Variants in DHX57 observed in about 807,000 individuals in gnomAD.
The protein encoded by DHX57 is DExH-box helicase 57, also known as putative ATP-dependent RNA helicase DHX57.
DHX57 carries 105 observed loss-of-function variants against 156.2 expected under a neutral mutation model. The ratio of observed to expected loss-of-function variants is 0.67; its 90% CI spans 0.57 to 0.79. DHX57 has a LOEUF of 0.79. Ranked by LOEUF, DHX57 falls within the 30% of genes least tolerant of loss-of-function variation. The probability of loss-of-function intolerance (pLI) is 0.00; values close to 1 mark genes in which losing one functional copy is unlikely to be tolerated. For synonymous variants in DHX57, 704 were observed against 595.6 expected (o/e 1.18, Z -2.65); for missense variants, 1,847 against 1,661.9 (o/e 1.11, Z -1.94).
chr2:38,823,014 A>G lies in DHX57; in HGVS notation c.3270T>C (p.Ser1090=). 2 of 1,614,106 alleles carry G rather than the reference A, an allele frequency of 1.2e-6. No homozygotes were observed. Among genetic ancestry groups the G allele is most frequent in the Non-Finnish European group, 1.7e-6 (2 of 1,179,992 alleles). The change falls in exon 17 of 24, where the codon AGT becomes AGC. Residue 1090 remains serine (S), a synonymous_variant. Coordinates refer to ENST00000457308, the MANE Select transcript of DHX57 (RefSeq NM_198963.3). ...CLDPALTIAA[S]LAFKSPFVSP... ...TTACAAACGGAGACTTAAAAGCCAA[A>G]CTGGCAGCAATGGTGAGAGCAGGAT...
intron 17 of DHX57, among the ~76,000 whole-genome samples, chr2:38,822,325 C>A (rs927411111): frequency 1.1e-4 from 16 of 152,192 alleles, no homozygotes; most frequent in African/African-American, 3.9e-4. Context: ...AGGTGATCCA[C>A]CTGCCTCGGC....
At chr2:38,847,174 ACGTCC>A in intron 10 of DHX57, 101 bp from the exon 11 acceptor site, 1 of 932,542 alleles carries the variant, frequency 1.1e-6, no homozygotes, top group South Asian at 1.7e-5. Context: ...TGTCATGCTA[ACGTCC>A]TATTTGTTCT....
At chr2:38,838,825 T>G (rs1345289199) in intron 12 of DHX57, 7 of 454,790 alleles carry the variant, frequency 1.5e-5, no homozygotes, top group Non-Finnish European at 3.1e-5. Flanking sequence ...CGGAGTCTAC[T>G]CATAGACCCT....
At chr2:38,828,499 T>A (rs1306796066) in intron 13 of DHX57, 63 bp from the exon 14 acceptor site, 48 of 1,251,030 alleles carry the variant, frequency 3.8e-5, no homozygotes, top group African/African-American at 1.2e-4. Flanking sequence ...ACAAGAAAAA[T>A]TTTTTTAAAA....
At chr2:38,847,703 C>T (rs1181954100) in intron 10 of DHX57, among the ~76,000 whole-genome samples, 1 of 152,122 alleles carries the variant, frequency 6.6e-6, no homozygotes, top group African/African-American at 2.4e-5. Flanking sequence ...TGACAGACTG[C>T]CACTATCAAC....
At chr2:38,858,065 T>C (rs954949747) in intron 6 of DHX57, among the ~76,000 whole-genome samples, 2 of 152,042 alleles carry the variant, frequency 1.3e-5, no homozygotes, top group Non-Finnish European at 2.9e-5. Flanking sequence ...TTTTATTTTG[T>C]TTTGTTTTGT....
chr2:38,814,446 A>T (rs1233976944), intron 20 of DHX57, among the ~76,000 whole-genome samples: 1 of 152,232 alleles, frequency 6.6e-6, no homozygotes, highest in Non-Finnish European at 1.5e-5. Flanking sequence ...AAAGCGTTAC[A>T]AAGCCAGTGT....
intron 13 of DHX57, among the ~76,000 whole-genome samples, chr2:38,837,330 G>A (rs1671729018): frequency 6.6e-6 from 1 of 151,952 alleles, no homozygotes; most frequent in African/African-American, 2.4e-5. Flanking sequence ...ATAGGACTAG[G>A]CCGGGCACGG....
intron 13 of DHX57, among the ~76,000 whole-genome samples, chr2:38,832,790 G>A (rs1267941988): frequency 2.6e-5 from 4 of 151,716 alleles, no homozygotes; most frequent in Admixed American, 2.0e-4. Flanking sequence ...CACCCACCTC[G>A]GCCTCCCAAA....
intron 21 of DHX57, chr2:38,811,317 C>T: frequency 1.9e-6 from 1 of 526,504 alleles, no homozygotes. Context: ...TTCCCCTTTC[C>T]CATGGCACTG....
Position 38,855,416 on chromosome 2 carries a change from G to T in DHX57, c.1710-164C>A, listed in dbSNP as rs936650072. On this transcript the variant is annotated intron_variant, in intron 7 of 23. Transcript: ENST00000457308. ...CTCCTGACTTATTACCAAGAGGTGG[G>T]AAATTCTAGGAATTTGCACTCCAAT... 1.8e-5 allele frequency: 13 copies of T among 717,288 alleles called. No homozygotes were observed. The African/African-American group carries it at 2.3e-4, about 13-fold the overall frequency. The allele number at this position is 717,288 out of a possible 1,614,324, so 44.4% of individuals were successfully genotyped here.
chr2:38,835,241 G>A (rs1232619975), intron 13 of DHX57, among the ~76,000 whole-genome samples: 1 of 152,188 alleles, frequency 6.6e-6, no homozygotes, highest in Non-Finnish European at 1.5e-5. Flanking sequence ...TATTAGTAAG[G>A]AAGAGAAGTG....
intron 21 of DHX57, 109 bp from the exon 22 acceptor site, chr2:38,806,802 G>T (rs940253398): frequency 9.5e-7 from 1 of 1,053,840 alleles, no homozygotes; most frequent in Non-Finnish European, 1.3e-6. Flanking sequence ...TGCTTGAATA[G>T]CTTTCCTGTT....
At chr2:38,852,626 A>C (rs1486572637) in intron 9 of DHX57, among the ~76,000 whole-genome samples, 1 of 110,292 alleles carries the variant, frequency 9.1e-6, no homozygotes, top group East Asian at 2.5e-4. Context: ...TTTTTTTTTT[A>C]GAGATGGAGT....
At position 38,854,995 on chromosome 2, in the gene DHX57, A is replaced by G. The variant is rs754635410; in HGVS notation, c.1905+62T>C. 10 of 1,604,382 alleles carry G rather than the reference A, an allele frequency of 6.2e-6. No individual in the cohort carries two copies. The South Asian group carries it at 9.9e-5, about 16-fold the overall frequency. On this transcript the variant is annotated intron_variant, in intron 8 of 23. Coordinates refer to ENST00000457308, the MANE Select transcript of DHX57 (RefSeq NM_198963.3). ...TTGCCCATGAATCTCCTAACCCCCA[A>G]AACTTTTTATACCTAAAAACCATAA...
intron 21 of DHX57, chr2:38,810,791 C>G: frequency 1.3e-6 from 1 of 761,444 alleles, no homozygotes; most frequent in Non-Finnish European, 2.3e-6. Context: ...CCCTCAATGT[C>G]TAAATGAGGG....
chr2:38,868,547 G>A, intron 1 of DHX57, 136 bp from the exon 2 acceptor site: 1 of 925,194 alleles, frequency 1.1e-6, no homozygotes, highest in Non-Finnish European at 1.6e-6. Flanking sequence ...TGGTCTTGGG[G>A]CAGGATTCTG....
rs777874243 is a variant in DHX57, at chr2:38,819,072, G to T, written c.3364C>A (p.Leu1122Met). ...ACCTTATACGCTTGTAGAAGGGCCA[G>T]ATAATCACTGTTTGCGAATGCAAAT... The part of the protein sequence containing the change: ...LEFAFANSDY[L>M]ALLQAYKGWQ... Residue 1122 changes from leucine (L) to methionine (M), a missense_variant, in exon 18 of 24, where the codon CTG becomes ATG. Coordinates refer to ENST00000457308, the MANE Select transcript of DHX57 (RefSeq NM_198963.3). 6.2e-7 allele frequency: 1 copy of T among 1,614,212 alleles called. No individual in the cohort carries two copies. Among genetic ancestry groups the T allele is most frequent in the Non-Finnish European group, 8.5e-7 (1 of 1,180,036 alleles).
chr2:38,842,417 T>A (rs955571118), intron 12 of DHX57, among the ~76,000 whole-genome samples: 1 of 152,216 alleles, frequency 6.6e-6, no homozygotes, highest in Non-Finnish European at 1.5e-5. Flanking sequence ...GTATGGACTG[T>A]GAATTATATA....
Sources: gnomAD v4.1 joint callset for allele counts (sites outside exome capture counted in the v4.1 genomes callset) on GRCh38, gnomAD v4.1.1 for gene constraint, MANE v1.5 for transcripts, NCBI Gene and HGNC (gene_info 2026-07-23, HGNC 2026-07-21) for gene names.